The following GALNT17 variants were observed in gnomAD, a reference collection of about 807,000 sequenced individuals.
GALNT17 encodes the protein UDP-GalNAc:polypeptide N-acetylgalactosaminyltransferase-like 3.
Under a neutral mutation model 63.7 loss-of-function variants are expected in GALNT17, and 29 were observed. The ratio of observed to expected loss-of-function variants is 0.46; its 90% CI spans 0.34 to 0.62. The LOEUF is 0.62. Among genes scored for constraint, GALNT17 ranks in the 20% least tolerant of loss-of-function variants. The probability of loss-of-function intolerance (pLI) is 0.01; values close to 1 mark genes in which losing one functional copy is unlikely to be tolerated. For missense variants in GALNT17, 603 were observed against 799.6 expected, an observed-to-expected ratio of 0.75 and a Z score of 2.97; for synonymous variants, 305 against 318.3, an observed-to-expected ratio of 0.96 and a Z score of 0.45.
intron 5 of GALNT17, among the ~76,000 whole-genome samples, chr7:71,423,075 C>T (rs1280282502): frequency 6.6e-6 from 1 of 152,156 alleles, no homozygotes; most frequent in Non-Finnish European, 1.5e-5. Flanking sequence ...TCTCAACGTC[C>T]AGCCGCTTGT....
chr7:71,571,333 C>T lies in GALNT17; in HGVS notation c.1011C>T (p.Phe337=), dbSNP rs776463129. Residue 337 remains phenylalanine (F), a synonymous_variant, in exon 6 of 11, where the codon TTC becomes TTT. Transcript: ENST00000333538. ...GCSFVVNRKF[F]GEIGLLDPGM... ...CGTTCGTGGTCAACAGGAAGTTCTT[C>T]GGTGAAATTGGTCTTCTGGATCCTG... 85 of 1,613,954 alleles carry T rather than the reference C, an allele frequency of 5.3e-5. No individual in the cohort carries two copies. Among genetic ancestry groups the T allele is most frequent in the Non-Finnish European group, 6.4e-5 (76 of 1,179,982 alleles).
At chr7:71,288,323 G>A (rs1304408592) in intron 1 of GALNT17, among the ~76,000 whole-genome samples, 1 of 151,816 alleles carries the variant, frequency 6.6e-6, no homozygotes, top group Non-Finnish European at 1.5e-5. Flanking sequence ...TATTCATGTT[G>A]AGTAGGCTGA....
intron 2 of GALNT17, among the ~76,000 whole-genome samples, chr7:71,339,745 A>G (rs1791975612): frequency 6.6e-6 from 1 of 151,790 alleles, no homozygotes; most frequent in Non-Finnish European, 1.5e-5. Context: ...ACCAGGCGGG[A>G]GAACAAACAG....
chr7:71,229,257 G>C (rs559398149), intron 1 of GALNT17, among the ~76,000 whole-genome samples: 26 of 152,316 alleles, frequency 1.7e-4, no homozygotes, highest in Middle Eastern at 3.4e-3. Context: ...CATCTTTCTG[G>C]CTCAGGCCAC....
chr7:71,253,220 G>GT (rs1202075190), intron 1 of GALNT17, among the ~76,000 whole-genome samples: 1 of 152,198 alleles, frequency 6.6e-6, no homozygotes, highest in Non-Finnish European at 1.5e-5. Context: ...AGAAAAAGAG[G>GT]TTTAATGGAC....
chr7:71,527,854 G>C (rs57624738), intron 5 of GALNT17, among the ~76,000 whole-genome samples: 8,172 of 152,188 alleles, frequency 0.054, 460 homozygotes, highest in African/African-American at 0.14. Context: ...CTGTCATAGA[G>C]ACACACCCTG....
In GALNT17 at chr7:71,416,380, G is replaced by A. The variant is rs191381686; in HGVS notation, c.764+317G>A. Among the ~76,000 whole-genome samples the A allele has an allele frequency of 2.5e-4, 38 of 152,306 alleles. 4 individuals carry two copies. In the East Asian group the frequency reaches 2.9e-3, roughly 12 times the overall value. ...TAATCCCTACACTTTAGGAGCCCAA[G>A]GTGGGTGGATCATTTGAGGTCAGGA... is the stretch of plus-strand genomic sequence containing the variant. On this transcript the variant is annotated intron_variant, in intron 4 of 10. Coordinates refer to ENST00000333538, the MANE Select transcript of GALNT17 (RefSeq NM_022479.3).
At chr7:71,265,118 A>ATATATATTT (rs1390488895) in intron 1 of GALNT17, among the ~76,000 whole-genome samples, 7 of 37,456 alleles carry the variant, frequency 1.9e-4, no homozygotes, top group African/African-American at 4.8e-4. Flanking sequence ...ATATATATAT[A>ATATATATTT]TTTTTTTTTT....
chr7:71,236,941 G>C (rs1007452013), intron 1 of GALNT17, among the ~76,000 whole-genome samples: 12 of 152,204 alleles, frequency 7.9e-5, no homozygotes, highest in African/African-American at 2.9e-4. Context: ...GAGTGTCCTT[G>C]AGGGAGATGC....
At chr7:71,191,709 G>A (rs1396542870) in intron 1 of GALNT17, among the ~76,000 whole-genome samples, 1 of 152,046 alleles carries the variant, frequency 6.6e-6, no homozygotes, top group African/African-American at 2.4e-5. Flanking sequence ...TTCAGTTTTT[G>A]GCTATTATGA....
At chr7:71,266,726 G>T (rs1790498825) in intron 1 of GALNT17, among the ~76,000 whole-genome samples, 1 of 152,112 alleles carries the variant, frequency 6.6e-6, no homozygotes, top group Admixed American at 6.5e-5. Context: ...TAGGGGAATT[G>T]AACAATTCAA....
At chr7:71,575,599 A>G (rs193071362) in intron 6 of GALNT17, among the ~76,000 whole-genome samples, 1 of 152,208 alleles carries the variant, frequency 6.6e-6, no homozygotes, top group East Asian at 1.9e-4. Context: ...CGTGTTAGCC[A>G]GGATGGTCTC....
At chr7:71,405,188 A>G (rs1793307324) in intron 3 of GALNT17, among the ~76,000 whole-genome samples, 2 of 152,230 alleles carry the variant, frequency 1.3e-5, no homozygotes, top group Admixed American at 1.3e-4. Flanking sequence ...TTGTATTAGC[A>G]GACAAATGAC....
chr7:71,541,104 C>T (rs975290406), intron 5 of GALNT17, among the ~76,000 whole-genome samples: 6 of 151,868 alleles, frequency 4.0e-5, no homozygotes, highest in Admixed American at 2.0e-4. Flanking sequence ...ATTAGCTGGG[C>T]GTGGTGGTGT....
At chr7:71,343,881 T>G (rs1792046950) in intron 2 of GALNT17, among the ~76,000 whole-genome samples, 1 of 152,184 alleles carries the variant, frequency 6.6e-6, no homozygotes, top group South Asian at 2.1e-4. Context: ...ATAAGTAGGC[T>G]TATTTTCTCT....
chr7:71,645,980 C>T, intron 6 of GALNT17, among the ~76,000 whole-genome samples: 1 of 152,188 alleles, frequency 6.6e-6, no homozygotes. Flanking sequence ...TCACCAGCAG[C>T]ACTGACTGGC....
chr7:71,592,397 A>G (rs929585886), intron 6 of GALNT17, among the ~76,000 whole-genome samples: 4 of 151,890 alleles, frequency 2.6e-5, no homozygotes, highest in African/African-American at 7.3e-5. Flanking sequence ...CGGGAGGCTG[A>G]GGCAGGAGAA....
At chr7:71,326,935 A>C (rs1791715725) in intron 1 of GALNT17, among the ~76,000 whole-genome samples, 1 of 152,192 alleles carries the variant, frequency 6.6e-6, no homozygotes, top group Non-Finnish European at 1.5e-5. Context: ...AATATACTAC[A>C]ATATTTAATA....
chr7:71,314,243 G>A (rs1279481901), intron 1 of GALNT17, among the ~76,000 whole-genome samples: 1 of 152,086 alleles, frequency 6.6e-6, no homozygotes, highest in Non-Finnish European at 1.5e-5. Context: ...GAGTGTGTGT[G>A]TGAGTGTGTG....
Sources: allele counts gnomAD v4.1 joint callset (sites outside exome capture counted in the v4.1 genomes callset), GRCh38; gene constraint gnomAD v4.1.1; transcripts MANE v1.5; gene names NCBI Gene and HGNC (gene_info 2026-07-23, HGNC 2026-07-21).